The following MLLT6 variants were observed in gnomAD, a reference collection of about 807,000 sequenced individuals.
MLLT6 encodes protein AF-17.
Under a neutral mutation model 103.0 loss-of-function variants are expected in MLLT6, and 22 were observed. That is an observed-to-expected ratio of 0.21 (90% CI 0.15 to 0.31). MLLT6 has a LOEUF of 0.31. Ranked by LOEUF, MLLT6 falls within the 10% of genes least tolerant of loss-of-function variation. The probability of loss-of-function intolerance (pLI) is 1.00; values close to 1 mark genes in which losing one functional copy is unlikely to be tolerated. For synonymous variants in MLLT6, 606 were observed against 623.5 expected (o/e 0.97, Z 0.42); for missense variants, 1,199 against 1,441.7 (o/e 0.83, Z 2.73).
In MLLT6 at chr17:38,726,826, C is replaced by G; in HGVS notation, c.*1228C>G. ...GCCAGCTTGCCTCCTGCACCCCACC[C>G]CCACCAACCAGGGGAGCCACTAAGC... On this transcript the variant is annotated 3_prime_UTR_variant, in exon 20 of 20. Transcript: ENST00000621332. 4.3e-6 allele frequency: 1 copy of G among 233,768 alleles called. No individual in the cohort carries two copies. The highest frequency in any genetic ancestry group is 8.5e-6 in the Non-Finnish European group (1 of 118,076). 14.5% of individuals were successfully genotyped at this position (233,768 alleles called of 1,614,324 possible).
chr17:38,711,088 A>T (rs891507673), intron 6 of MLLT6, among the ~76,000 whole-genome samples: 1 of 152,014 alleles, frequency 6.6e-6, no homozygotes, highest in Non-Finnish European at 1.5e-5. Context: ...AACACTGGGG[A>T]GCTGCCCACT....
chr17:38,717,845 G>A lies in MLLT6; in HGVS notation c.1834G>A (p.Val612Met), dbSNP rs757868625. Residue 612 changes from valine (V) to methionine (M), a missense_variant and splice_region_variant, in exon 12 of 20, where the codon GTG (valine) becomes ATG (methionine). Around this residue, in one of 7 missense-constraint regions of MLLT6, gnomAD observed 1,034 missense variants for 1,091.5 expected, o/e 0.95. Coordinates refer to ENST00000621332, the MANE Select transcript of MLLT6 (RefSeq NM_005937.4). ...SSSASISTTQVFSLAGSTFSL... is the reference protein window; with the variant it reads ...SSSASISTTQMFSLAGSTFSL... ...AGGGGATTCTACCTCCCTCCCTTAG[G>A]TGTTTTCTCTGGCTGGCTCTACCTT... The A allele has an allele frequency of 6.2e-7, 1 of 1,609,646 alleles. No homozygotes were observed. The highest frequency in any genetic ancestry group is 8.5e-7 in the Non-Finnish European group (1 of 1,176,084).
chr17:38,722,318 A>T (rs1372187119), intron 17 of MLLT6, 91 bp downstream of exon 17: 27 of 1,042,826 alleles, frequency 2.6e-5, no homozygotes, highest in Non-Finnish European at 3.5e-5. Context: ...CACAATCCCT[A>T]AAAGGAAAAA....
intron 8 of MLLT6, among the ~76,000 whole-genome samples, chr17:38,715,114 C>T (rs1905280760): frequency 6.6e-6 from 1 of 152,158 alleles, no homozygotes; most frequent in African/African-American, 2.4e-5. Flanking sequence ...CTAGGAAGAG[C>T]ATGGGGTGGT....
At position 38,727,794 on chromosome 17, in the gene MLLT6, C is replaced by T. The variant is rs1906114036; in HGVS notation, c.*2196C>T. ...TGTGTGAGAGAGTGAGACTCTGTCT[C>T]AAAAGAGAAAAAAAAAGAAAAGTAA... On this transcript the variant is annotated 3_prime_UTR_variant, in exon 20 of 20. Coordinates refer to ENST00000621332, the MANE Select transcript of MLLT6 (RefSeq NM_005937.4). 1 of 226,618 alleles carries T rather than the reference C, an allele frequency of 4.4e-6. No individual in the cohort carries two copies. Among genetic ancestry groups the T allele is most frequent in the Non-Finnish European group, 8.7e-6 (1 of 114,454 alleles). 14.0% of individuals were successfully genotyped at this position (226,618 alleles called of 1,614,324 possible). A position where few individuals can be genotyped will look rare whatever the true frequency, so the allele number is the denominator to read the frequency against.
chr17:38,722,008 TC>T lies in MLLT6; in HGVS notation c.2576del (p.Pro859ArgfsTer45). ...PLALPGAPAPLPPQPQNGLGR... is the reference protein window; with the variant it reads ...PLALPGAPAPXPPQPQNGLGR... ...GCCCTGCCTGGGGCCCCTGCCCCAC[TC>T]CCGCCCCAGCCGCAGAACGGGTTGG... On this transcript the variant is annotated frameshift_variant, in exon 17 of 20. Transcript: ENST00000621332. LOFTEE classifies it high-confidence loss of function. The T allele has an allele frequency of 6.7e-7, 1 of 1,481,936 alleles. No individual in the cohort carries two copies. Among genetic ancestry groups the T allele is most frequent in the East Asian group, 2.7e-5 (1 of 37,262 alleles). 91.8% of individuals were successfully genotyped at this position (1,481,936 alleles called of 1,614,324 possible).
chr17:38,719,750 G>A lies in MLLT6; in HGVS notation c.2010G>A (p.Met670Ile). ...GTSPQESLSS[M>I]SPISSLPALF... is the part of the protein sequence containing the mutation. ...GAACCCAGGTTCCCTCTGGCCGCAGGTCCCCCATCAGCAGCCTCCCCGCAC... is the reference window on the plus strand; with the variant it reads ...GAACCCAGGTTCCCTCTGGCCGCAGATCCCCCATCAGCAGCCTCCCCGCAC... Residue 670 changes from methionine to isoleucine, a missense_variant and splice_region_variant, in exon 14 of 20, where the codon ATG (methionine) becomes ATA (isoleucine). By Grantham distance (10) the Met-to-Ile change is conservative. Around this residue, in one of 7 missense-constraint regions of MLLT6, gnomAD observed 1,034 missense variants for 1,091.5 expected, o/e 0.95. Transcript: ENST00000621332. 1.2e-6 allele frequency: 2 copies of A among 1,607,704 alleles called. No individual in the cohort carries two copies. The highest frequency in any genetic ancestry group is 2.7e-5 in the African/African-American group (2 of 74,888).
intron 2 of MLLT6, 88 bp from the exon 3 acceptor site, chr17:38,707,398 A>G: frequency 7.7e-7 from 1 of 1,298,488 alleles, no homozygotes; most frequent in Non-Finnish European, 1.1e-6. Flanking sequence ...CCTAGAGCTT[A>G]GCATTTCAGC....
At position 38,716,737 on chromosome 17, in the gene MLLT6, A is replaced by T. The variant is rs1181019431; in HGVS notation, c.1407A>T (p.Lys469Asn). Residue 469 changes from lysine to asparagine, a missense_variant, in exon 10 of 20, where the codon AAA becomes AAT. Lys to Asn is a moderately conservative substitution (Grantham distance 94, BLOSUM62 0). This residue lies in a region of MLLT6 where 1,034 missense variants were observed against 1,091.5 expected (regional missense o/e 0.95). Transcript: ENST00000621332. This position sits in a 1 kb window ranked among gnomAD's most constrained non-coding sequence, Gnocchi z 5.6. ...CAGGCCTGAAGGAGAAGAAGCACAA[A>T]GCCAGCAAGAGGAGCCGCCATGGGC... is the stretch of plus-strand genomic sequence containing the variant. ...PETGLKEKKH[K>N]ASKRSRHGPG... The T allele has an allele frequency of 6.2e-7, 1 of 1,609,002 alleles. No individual in the cohort carries two copies. Among genetic ancestry groups the T allele is most frequent in the Non-Finnish European group, 8.5e-7 (1 of 1,177,908 alleles).
chr17:38,720,139 C>T (rs1272188443), intron 14 of MLLT6: 2 of 695,866 alleles, frequency 2.9e-6, no homozygotes, highest in Non-Finnish European at 4.7e-6. Flanking sequence ...AACTTCCGCC[C>T]TTCTCTCCTG....
rs1195086206 is a variant in MLLT6, at chr17:38,727,691, A to T, written c.*2093A>T. ...GTGCCTGTAATCCCAGCTACTTGGG[A>T]GGCTGAGGCACGAGAATTGCTTGAA... is the stretch of plus-strand genomic sequence containing the variant. On this transcript the variant is annotated 3_prime_UTR_variant, in exon 20 of 20. Transcript: ENST00000621332. 5.1e-6 allele frequency: 1 copy of T among 197,548 alleles called. No individual in the cohort carries two copies. Among genetic ancestry groups the T allele is most frequent in the African/African-American group, 2.3e-5 (1 of 43,424 alleles). The allele number at this position is 197,548 out of a possible 1,614,324, so 12.2% of individuals were successfully genotyped here.
At chr17:38,707,583 C>T (rs771334475) in intron 3 of MLLT6, 43 bp downstream of exon 3, 26 of 1,599,400 alleles carry the variant, frequency 1.6e-5, no homozygotes, top group Non-Finnish European at 2.0e-5. Context: ...GCCCCCTGAG[C>T]AGGGTCTGGG....
chr17:38,716,405 C>A lies in MLLT6; in HGVS notation c.1075C>A (p.Pro359Thr), dbSNP rs1905346564. The A allele has an allele frequency of 1.2e-6, 2 of 1,613,688 alleles. No homozygotes were observed. The highest frequency in any genetic ancestry group is 1.7e-6 in the Non-Finnish European group (2 of 1,179,850). Residue 359 changes from proline (P) to threonine (T), a missense_variant, in exon 10 of 20, where the codon CCC becomes ACC. Around this residue, in one of 7 missense-constraint regions of MLLT6, gnomAD observed 1,034 missense variants for 1,091.5 expected, o/e 0.95. Coordinates refer to ENST00000621332, the MANE Select transcript of MLLT6 (RefSeq NM_005937.4). This position sits in a 1 kb window ranked among gnomAD's most constrained non-coding sequence, Gnocchi z 5.6. Reference sequence around the variant, plus strand: ...GAGCTCCCCTGACTTCTCTGCATTCCCCAAGCTGGAGCAGCCAGAGGAGGA... The same window carrying A: ...GAGCTCCCCTGACTTCTCTGCATTCACCAAGCTGGAGCAGCCAGAGGAGGA... Reference protein sequence around the residue: ...LQSSPDFSAFPKLEQPEEDKY... With the variant: ...LQSSPDFSAFTKLEQPEEDKY...
At chr17:38,714,920 CAT>C (rs898139199) in intron 8 of MLLT6, among the ~76,000 whole-genome samples, 7 of 152,308 alleles carry the variant, frequency 4.6e-5, no homozygotes, top group East Asian at 1.9e-4. Context: ...CAGCTGTTGA[CAT>C]GTGGTCATGT....
intron 19 of MLLT6, 68 bp downstream of exon 19, chr17:38,725,044 GCTTATCATCAGGT>G: frequency 8.6e-7 from 1 of 1,166,482 alleles, no homozygotes; most frequent in Non-Finnish European, 1.2e-6. Context: ...TTGTCAGAAG[GCTTATCATCAGGT>G]ACCTCAGCAG....
Position 38,716,096 on chromosome 17 carries a change from C to T in MLLT6, c.1036+268C>T, listed in dbSNP as rs962733460. ...ATTTGTGCTGCAAGGTACAATTTTT[C>T]AAGAACCCCCATTAACATTTTCTCC... On this transcript the variant is annotated intron_variant, in intron 9 of 19. Transcript: ENST00000621332. The surrounding 1 kb of genome is among the most constrained non-coding windows in gnomAD (Gnocchi z 5.6). The T allele has an allele frequency of 6.7e-5, 40 of 599,004 alleles. No individual in the cohort carries two copies. Among genetic ancestry groups the T allele is most frequent in the Non-Finnish European group, 9.1e-5 (31 of 341,448 alleles). The allele number at this position is 599,004 out of a possible 1,614,324, so 37.1% of individuals were successfully genotyped here.
In MLLT6 at chr17:38,728,187, C is replaced by T. The variant is rs1020992780; in HGVS notation, c.*2589C>T. On this transcript the variant is annotated 3_prime_UTR_variant, in exon 20 of 20. Transcript: ENST00000621332. Reference sequence around the variant, plus strand: ...GCAGCCCTCTTCTCCTCTTCCCCCCCACATCTCTCATGAGAGAGGTAGTGG... The same window carrying T: ...GCAGCCCTCTTCTCCTCTTCCCCCCTACATCTCTCATGAGAGAGGTAGTGG... The T allele has an allele frequency of 8.6e-6, 2 of 233,254 alleles. No homozygotes were observed. Among genetic ancestry groups the T allele is most frequent in the African/African-American group, 4.4e-5 (2 of 45,358 alleles). 14.4% of individuals were successfully genotyped at this position (233,254 alleles called of 1,614,324 possible). A position where few individuals can be genotyped will look rare whatever the true frequency, so the allele number is the denominator to read the frequency against.
chr17:38,715,382 C>G (rs1184137339), intron 8 of MLLT6: 1 of 558,262 alleles, frequency 1.8e-6, no homozygotes, highest in East Asian at 3.1e-5. Flanking sequence ...CAGACACCTT[C>G]TTGGGTTCAG....
Position 38,705,298 on chromosome 17 carries a change from C to G in MLLT6, c.-335C>G, listed in dbSNP as rs1238673953. The stretch of plus-strand genomic sequence containing the variant: ...GCCACTCGGCGCCTCCCCCGCCGGG[C>G]TCGGGCTACGCGGCGGCGGGGCGGC... On this transcript the variant is annotated 5_prime_UTR_variant, in exon 1 of 20. Transcript: ENST00000621332. Among the ~76,000 whole-genome samples, 4 of 145,648 alleles carry G rather than the reference C, an allele frequency of 2.7e-5. No homozygotes were observed. Among genetic ancestry groups the G allele is most frequent in the Admixed American group, 6.8e-5 (1 of 14,796 alleles).
Sources: gnomAD v4.1 joint callset for allele counts (sites outside exome capture counted in the v4.1 genomes callset) on GRCh38, gnomAD v4.1.1 for gene constraint, gnomAD v4.1.1 regional missense constraint, Gnocchi (gnomAD v3.1) non-coding constraint, MANE v1.5 for transcripts, NCBI Gene and HGNC (gene_info 2026-07-23, HGNC 2026-07-21) for gene names.